Variants in TMEM276 observed in about 807,000 individuals in gnomAD.
TMEM276 encodes transmembrane protein 276.
chr8:144,466,620 GGCCGT>G, the TMEM276 span: 1 of 870,536 alleles, frequency 1.1e-6, no homozygotes, highest in Admixed American at 4.3e-5. Context: ...GGGGCGACGG[GGCCGT>G]GCCGAGGACC....
At chr8:144,464,299 T>A in the TMEM276 span, 4 of 1,612,868 alleles carry the variant, frequency 2.5e-6, no homozygotes, top group Non-Finnish European at 3.4e-6. Flanking sequence ...CCCATAAGTG[T>A]TGGCCGTGAA....
chr8:144,466,455 C>T, the TMEM276 span: 15 of 1,362,374 alleles, frequency 1.1e-5, no homozygotes, highest in Middle Eastern at 4.0e-4. Flanking sequence ...TCTACATCTT[C>T]TACAGCCTCT....
the TMEM276 span, chr8:144,465,341 G>C: frequency 1.8e-6 from 2 of 1,091,352 alleles, no homozygotes; most frequent in Non-Finnish European, 2.2e-6. Flanking sequence ...GAGGCCAGCC[G>C]TGCGCAGTTA....
the TMEM276 span, chr8:144,464,312 CAGCT>C: frequency 1.2e-6 from 2 of 1,613,142 alleles, no homozygotes; most frequent in Non-Finnish European, 1.7e-6. Flanking sequence ...GCCGTGAAGA[CAGCT>C]ACAATGAGGA....
the TMEM276 span, chr8:144,466,463 T>C: frequency 1.5e-6 from 2 of 1,355,936 alleles, no homozygotes; most frequent in Non-Finnish European, 1.9e-6. Flanking sequence ...TTCTACAGCC[T>C]CTTCCGCAGG....
the TMEM276 span, chr8:144,464,832 G>T: frequency 6.2e-7 from 1 of 1,612,812 alleles, no homozygotes; most frequent in Non-Finnish European, 8.5e-7. Flanking sequence ...ACGGCTGCGT[G>T]CAGAGACACC....
At chr8:144,466,897 G>A in the TMEM276 span, 10 of 1,549,524 alleles carry the variant, frequency 6.5e-6, no homozygotes, top group Admixed American at 1.9e-5. Context: ...CCCAGGGAGG[G>A]GCGGAGGCCT....
At chr8:144,465,546 G>A in the TMEM276 span, 4 of 445,712 alleles carry the variant, frequency 9.0e-6, no homozygotes, top group South Asian at 2.6e-4. Flanking sequence ...GGGGAGGGTC[G>A]AGGCCTGGGG....
the TMEM276 span, chr8:144,465,126 G>C: frequency 6.8e-7 from 1 of 1,465,388 alleles, no homozygotes; most frequent in African/African-American, 1.4e-5. Context: ...AATTCAGCCG[G>C]GAAACGGGGG....
chr8:144,465,533 G>A, the TMEM276 span: 3 of 643,184 alleles, frequency 4.7e-6, no homozygotes, highest in East Asian at 1.4e-4. Flanking sequence ...AGAGCGGCTG[G>A]GGGGGGAGGG....
chr8:144,466,621 GC>G, the TMEM276 span: 1 of 862,794 alleles, frequency 1.2e-6, no homozygotes, highest in African/African-American at 1.8e-5. Flanking sequence ...GGGCGACGGG[GC>G]CGTGCCGAGG....
At chr8:144,464,540 T>G in the TMEM276 span, 1 of 1,612,002 alleles carries the variant, frequency 6.2e-7, no homozygotes, top group East Asian at 2.2e-5. Flanking sequence ...TCGTGTGTGC[T>G]CAGCCCTGGG....
the TMEM276 span, chr8:144,467,010 C>T: frequency 5.6e-6 from 9 of 1,595,728 alleles, no homozygotes; most frequent in African/African-American, 2.7e-5. Context: ...GGCCGCGCGG[C>T]CGCGGTGTCC....
the TMEM276 span, chr8:144,466,346 G>A: frequency 2.0e-6 from 1 of 509,596 alleles, no homozygotes; most frequent in Non-Finnish European, 2.8e-6. Context: ...CGGCACTGCG[G>A]CGGGCGGGCG....
At chr8:144,464,858 T>C in the TMEM276 span, 2 of 1,612,848 alleles carry the variant, frequency 1.2e-6, no homozygotes, top group African/African-American at 1.3e-5. Flanking sequence ...CAGCACCAGA[T>C]GGGACAGGGC....
chr8:144,466,333 C>A, the TMEM276 span: 1 of 386,190 alleles, frequency 2.6e-6, no homozygotes, highest in Non-Finnish European at 3.9e-6. Context: ...CGAGCATGCG[C>A]ACCGGCACTG....
At chr8:144,464,608 C>T in the TMEM276 span, 8 of 1,606,328 alleles carry the variant, frequency 5.0e-6, no homozygotes, top group East Asian at 6.7e-5. Context: ...AGCCCCTCGA[C>T]TTGCCTGTCA....
chr8:144,465,126 G>A, the TMEM276 span: 315 of 1,465,388 alleles, frequency 2.1e-4, no homozygotes, highest in Non-Finnish European at 2.7e-4. Context: ...AATTCAGCCG[G>A]GAAACGGGGG....
chr8:144,466,294 T>A, the TMEM276 span: 2 of 232,258 alleles, frequency 8.6e-6, no homozygotes, highest in Non-Finnish European at 1.6e-5. Flanking sequence ...CTTCCAGCCG[T>A]GGGAGCCGGG....
Sources: gnomAD v4.1 joint callset for allele counts on GRCh38, gnomAD v4.1.1 for gene constraint, MANE v1.5 for transcripts, NCBI Gene and HGNC (gene_info 2026-07-23, HGNC 2026-07-21) for gene names.